DPYD: variants seen among roughly 807,000 people sequenced by gnomAD.
The protein encoded by DPYD is dihydropyrimidine dehydrogenase [NADP(+)].
A neutral mutation model predicts 116.2 loss-of-function variants in DPYD; 109 were observed. The observed-to-expected ratio is 0.94, with a 90% CI of 0.80 to 1.10. DPYD has a LOEUF of 1.10. Ranked by LOEUF, DPYD falls within the 50% of genes least tolerant of loss-of-function variation. The pLI, the probability that DPYD is intolerant of heterozygous loss-of-function variation, is 0.00. For missense variants in DPYD, 1,302 were observed against 1,254.5 expected (o/e 1.04, Z -0.57); for synonymous variants, 440 against 432.0 (o/e 1.02, Z -0.23).
chr1:97,305,504 G>A lies in DPYD; in HGVS notation c.2180-126C>T, dbSNP rs1024741726. The A allele has an allele frequency of 4.6e-6, 6 of 1,291,254 alleles. No homozygotes were observed. In the African/African-American group the frequency reaches 8.8e-5, roughly 19 times the overall value. 80.0% of individuals were successfully genotyped at this position (1,291,254 alleles called of 1,614,324 possible). ...CTTGAGAACATGTCTTCTCCTCAAAGTTCTTCACTAATTTAACTCCTACAT... is the reference window on the plus strand; with the variant it reads ...CTTGAGAACATGTCTTCTCCTCAAAATTCTTCACTAATTTAACTCCTACAT... On this transcript the variant is annotated intron_variant, in intron 17 of 22. Transcript: ENST00000370192.
chr1:97,116,514 A>G (rs1043797039), intron 20 of DPYD, among the ~76,000 whole-genome samples: 17 of 152,048 alleles, frequency 1.1e-4, no homozygotes, highest in African/African-American at 2.4e-4. Context: ...TCTACAAAAA[A>G]TACAAAACTT....
At chr1:97,652,988 A>G (rs964725411) in intron 8 of DPYD, among the ~76,000 whole-genome samples, 6 of 152,060 alleles carry the variant, frequency 3.9e-5, no homozygotes, top group African/African-American at 1.4e-4. Context: ...ACACCACTTT[A>G]TCTGCCAGTG....
At chr1:97,791,187 T>A (rs758361682) in intron 3 of DPYD, among the ~76,000 whole-genome samples, 5 of 152,154 alleles carry the variant, frequency 3.3e-5, no homozygotes, top group African/African-American at 4.8e-5. Context: ...TTCCACAACA[T>A]TGTGGGATGT....
intron 8 of DPYD, among the ~76,000 whole-genome samples, chr1:97,671,075 G>T (rs886419327): frequency 2.6e-5 from 4 of 151,704 alleles, no homozygotes; most frequent in Non-Finnish European, 5.9e-5. Context: ...TTTATAAAAG[G>T]TTTTTTAAAA....
chr1:97,327,900 G>A (rs1429272817), intron 16 of DPYD, among the ~76,000 whole-genome samples: 1 of 152,030 alleles, frequency 6.6e-6, no homozygotes, highest in African/African-American at 2.4e-5. Flanking sequence ...AGGCAAAACT[G>A]ATATTACAAA....
At chr1:97,825,150 C>A (rs1669172444) in intron 3 of DPYD, among the ~76,000 whole-genome samples, 1 of 152,140 alleles carries the variant, frequency 6.6e-6, no homozygotes, top group Middle Eastern at 3.4e-3. Context: ...ACCAGGGCTA[C>A]AGGCTCAGGG....
intron 7 of DPYD, among the ~76,000 whole-genome samples, chr1:97,680,663 T>A (rs890646218): frequency 3.3e-5 from 5 of 152,130 alleles, no homozygotes; most frequent in African/African-American, 1.2e-4. Context: ...TGAAGCGATC[T>A]GGACATCCCA....
chr1:97,711,684 A>G (rs1441451555), intron 5 of DPYD, among the ~76,000 whole-genome samples: 1 of 152,042 alleles, frequency 6.6e-6, no homozygotes, highest in Non-Finnish European at 1.5e-5. Context: ...AATAAACCTT[A>G]CAAATTTTGA....
chr1:97,700,234 A>C (rs768783952), intron 5 of DPYD: 2 of 455,936 alleles, frequency 4.4e-6, no homozygotes, highest in South Asian at 3.1e-5. Flanking sequence ...CACAGCTCAG[A>C]AAAGAGATGT....
At chr1:97,706,309 C>T (rs943677394) in intron 5 of DPYD, among the ~76,000 whole-genome samples, 1 of 151,966 alleles carries the variant, frequency 6.6e-6, no homozygotes, top group Non-Finnish European at 1.5e-5. Context: ...GCTATCCTGC[C>T]ACCCGAGAAC....
intron 5 of DPYD, 23 bp downstream of exon 5, chr1:97,721,487 T>A (rs780986024): frequency 6.2e-7 from 1 of 1,610,178 alleles, no homozygotes; most frequent in South Asian, 1.1e-5. Context: ...AGTGGGGGGA[T>A]GTCACGTGTA....
intron 18 of DPYD, among the ~76,000 whole-genome samples, chr1:97,243,393 A>G (rs193295380): frequency 2.6e-4 from 39 of 152,060 alleles, no homozygotes; most frequent in Admixed American, 2.0e-3. Context: ...TCACATTACT[A>G]TGAAATAGAT....
At chr1:97,353,627 GT>G (rs35564684) in intron 16 of DPYD, among the ~76,000 whole-genome samples, 12,330 of 133,256 alleles carry the variant, frequency 0.093, 679 homozygotes, top group African/African-American at 0.18. Context: ...ACTGCATTCT[GT>G]TTTTTTTTTT....
intron 16 of DPYD, among the ~76,000 whole-genome samples, chr1:97,324,204 G>T (rs1007593928): frequency 1.3e-5 from 2 of 151,862 alleles, no homozygotes; most frequent in Non-Finnish European, 2.9e-5. Flanking sequence ...GATTCCATAA[G>T]CCATCTTGTA....
At chr1:97,237,190 G>A (rs1357724124) in intron 18 of DPYD, among the ~76,000 whole-genome samples, 3 of 132,578 alleles carry the variant, frequency 2.3e-5, no homozygotes, top group East Asian at 2.2e-4. Flanking sequence ...GCAGTGAGCC[G>A]AGATTGCGCC....
At chr1:97,488,736 T>A (rs1387447061) in intron 13 of DPYD, among the ~76,000 whole-genome samples, 1 of 152,326 alleles carries the variant, frequency 6.6e-6, no homozygotes, top group East Asian at 1.9e-4. Context: ...CAGTTTACCA[T>A]TGCCATAGTA....
At chr1:97,274,181 T>C (rs1372971771) in intron 18 of DPYD, among the ~76,000 whole-genome samples, 1 of 152,142 alleles carries the variant, frequency 6.6e-6, no homozygotes, top group Non-Finnish European at 1.5e-5. Context: ...TAGAACATGA[T>C]ATGGTTTGTA....
At chr1:97,760,411 A>C (rs1408689565) in intron 3 of DPYD, among the ~76,000 whole-genome samples, 1 of 152,094 alleles carries the variant, frequency 6.6e-6, no homozygotes, top group African/African-American at 2.4e-5. Flanking sequence ...TTCAAAAATA[A>C]ATTTCAAAAA....
chr1:97,645,655 G>C (rs993660154), intron 8 of DPYD, among the ~76,000 whole-genome samples: 1 of 151,728 alleles, frequency 6.6e-6, no homozygotes, highest in African/African-American at 2.4e-5. Context: ...TGATATGTTA[G>C]GTTTATAACA....
Sources: gnomAD v4.1 joint callset for allele counts (sites outside exome capture counted in the v4.1 genomes callset) on GRCh38, gnomAD v4.1.1 for gene constraint, MANE v1.5 for transcripts, NCBI Gene and HGNC (gene_info 2026-07-23, HGNC 2026-07-21) for gene names.